The following SNX24 variants were observed in gnomAD, a reference collection of about 807,000 sequenced individuals.
The protein encoded by SNX24 is sorting nexin-24.
A neutral mutation model predicts 28.7 loss-of-function variants in SNX24; 22 were observed. The ratio of observed to expected loss-of-function variants is 0.77; its 90% confidence interval spans 0.55 to 1.10. The LOEUF (loss-of-function observed/expected upper bound fraction) is 1.10. Among genes scored for constraint, SNX24 ranks in the 50% least tolerant of loss-of-function variants. The probability of loss-of-function intolerance (pLI) is 0.00; values close to 1 mark genes in which losing one functional copy is unlikely to be tolerated. For missense variants in SNX24, 221 were observed against 201.1 expected (o/e 1.10, Z -0.60); for synonymous variants, 69 against 71.5 (o/e 0.96, Z 0.18).
chr5:122,872,217 C>T (rs1417034767), intron 1 of SNX24, among the ~76,000 whole-genome samples: 3 of 151,270 alleles, frequency 2.0e-5, no homozygotes, highest in Non-Finnish European at 2.9e-5. Flanking sequence ...ATCCCTGCAG[C>T]GCTTTTAAAT....
chr5:122,865,344 T>G (rs1371423454), intron 1 of SNX24, among the ~76,000 whole-genome samples: 2 of 152,178 alleles, frequency 1.3e-5, no homozygotes, highest in African/African-American at 4.8e-5. Flanking sequence ...GTATTTATAT[T>G]TTTTGAGACT....
At chr5:122,859,437 G>A (rs997091116) in intron 1 of SNX24, among the ~76,000 whole-genome samples, 17 of 152,160 alleles carry the variant, frequency 1.1e-4, no homozygotes, top group Admixed American at 2.0e-4. Flanking sequence ...AGAACTCACC[G>A]TACAAATAAT....
At chr5:122,889,333 CATCT>C (rs1160220103) in intron 1 of SNX24, among the ~76,000 whole-genome samples, 2 of 152,086 alleles carry the variant, frequency 1.3e-5, no homozygotes, top group East Asian at 1.9e-4. Context: ...TATATACACT[CATCT>C]ATCTATCTGT....
intron 1 of SNX24, among the ~76,000 whole-genome samples, chr5:122,897,086 G>A (rs949071813): frequency 5.9e-5 from 9 of 152,166 alleles, no homozygotes; most frequent in Non-Finnish European, 1.0e-4. Flanking sequence ...TTATATTTAA[G>A]TGTCATTTCA....
chr5:122,949,899 T>C (rs1759860410), intron 3 of SNX24, among the ~76,000 whole-genome samples: 1 of 152,228 alleles, frequency 6.6e-6, no homozygotes, highest in African/African-American at 2.4e-5. Flanking sequence ...TCAGAAGTTA[T>C]ATTTGGCATT....
chr5:122,877,028 A>C (rs575681522), intron 1 of SNX24, among the ~76,000 whole-genome samples: 5 of 152,230 alleles, frequency 3.3e-5, no homozygotes, highest in African/African-American at 1.2e-4. Flanking sequence ...GAGGAGGACT[A>C]CCTTTGTTCT....
At chr5:122,919,346 T>C (rs566155194) in intron 1 of SNX24, among the ~76,000 whole-genome samples, 1 of 152,312 alleles carries the variant, frequency 6.6e-6, no homozygotes, top group African/African-American at 2.4e-5. Context: ...TACAAGTCAT[T>C]TGAATCTTTT....
intron 1 of SNX24, among the ~76,000 whole-genome samples, chr5:122,878,705 C>A (rs1185732105): frequency 6.6e-6 from 1 of 152,156 alleles, no homozygotes; most frequent in African/African-American, 2.4e-5. Context: ...TTTGTGGTGG[C>A]TTACGCCTGT....
intron 1 of SNX24, among the ~76,000 whole-genome samples, chr5:122,894,090 A>G (rs1394166787): frequency 6.6e-6 from 1 of 152,140 alleles, no homozygotes; most frequent in African/African-American, 2.4e-5. Context: ...TATGTAATCA[A>G]TTTAGTATGC....
rs187217487 is a variant in SNX24, at chr5:122,987,316, T to C, written c.250-12596T>C. ...CTTGGTAACTTATTTGAAATGAAAA[T>C]TCTTAGGCCCCACCCAAGACCAGCT... On this transcript the variant is annotated intron_variant, in intron 3 of 6. Coordinates refer to ENST00000261369, the MANE Select transcript of SNX24 (RefSeq NM_014035.4). 5.9e-5 allele frequency among the ~76,000 whole-genome samples: 9 copies of C among 152,218 alleles called. No individual in the cohort carries two copies. The East Asian group carries it at 1.7e-3, about 29-fold the overall frequency.
At chr5:122,995,927 A>G (rs539838151) in intron 3 of SNX24, among the ~76,000 whole-genome samples, 1 of 152,236 alleles carries the variant, frequency 6.6e-6, no homozygotes, top group Admixed American at 6.5e-5. Context: ...GTACTTCATC[A>G]GCTGTACTCT....
chr5:122,873,919 C>T lies in SNX24; in HGVS notation c.60+28226C>T, dbSNP rs562768556. On this transcript the variant is annotated intron_variant, in intron 1 of 6. Transcript: ENST00000261369. ...TAGCTGGGGTTACAGGCACCGGCCACCACGTCTGGCTAATTTTTTTGTGTA... is the reference window on the plus strand; with the variant it reads ...TAGCTGGGGTTACAGGCACCGGCCATCACGTCTGGCTAATTTTTTTGTGTA... Among the ~76,000 whole-genome samples the T allele has an allele frequency of 1.4e-4, 22 of 152,234 alleles. No individual in the cohort carries two copies. In the East Asian group the frequency reaches 2.5e-3, roughly 17 times the overall value.
At chr5:122,882,768 A>G (rs974958268) in intron 1 of SNX24, among the ~76,000 whole-genome samples, 12 of 152,096 alleles carry the variant, frequency 7.9e-5, no homozygotes, top group South Asian at 2.1e-4. Flanking sequence ...TAATCTCTCA[A>G]TCTCTGTCTG....
intron 1 of SNX24, among the ~76,000 whole-genome samples, chr5:122,904,858 T>C (rs1290719253): frequency 1.3e-5 from 2 of 152,202 alleles, no homozygotes; most frequent in Non-Finnish European, 2.9e-5. Flanking sequence ...ATGCCACCAC[T>C]TTAGACCCAT....
chr5:122,919,617 G>C (rs1056362834), intron 1 of SNX24, among the ~76,000 whole-genome samples: 1 of 150,950 alleles, frequency 6.6e-6, no homozygotes, highest in African/African-American at 2.4e-5. Context: ...ATATCCCAAT[G>C]GTGGATTAAC....
intron 1 of SNX24, among the ~76,000 whole-genome samples, chr5:122,886,215 C>T (rs1756707052): frequency 6.6e-6 from 1 of 152,158 alleles, no homozygotes; most frequent in Non-Finnish European, 1.5e-5. Context: ...TGATTCTTGA[C>T]AGTGGGAAAA....
intron 1 of SNX24, among the ~76,000 whole-genome samples, chr5:122,855,533 C>T (rs1239454169): frequency 6.6e-6 from 1 of 152,144 alleles, no homozygotes; most frequent in Non-Finnish European, 1.5e-5. Flanking sequence ...GTAATCCTAG[C>T]ACTTAGAGAG....
At chr5:122,954,020 T>C (rs1420056485) in intron 3 of SNX24, among the ~76,000 whole-genome samples, 1 of 152,178 alleles carries the variant, frequency 6.6e-6, no homozygotes, top group Admixed American at 6.5e-5. Context: ...CTGCCCTTCA[T>C]TCATTCTTTA....
At chr5:122,952,517 A>G (rs1045368483) in intron 3 of SNX24, among the ~76,000 whole-genome samples, 4 of 152,164 alleles carry the variant, frequency 2.6e-5, no homozygotes, top group African/African-American at 9.7e-5. Flanking sequence ...GGCCTGTGCA[A>G]GCACTGCTGC....
Sources: gnomAD v4.1 joint callset for allele counts (sites outside exome capture counted in the v4.1 genomes callset) on GRCh38, gnomAD v4.1.1 for gene constraint, MANE v1.5 for transcripts, NCBI Gene and HGNC (gene_info 2026-07-23, HGNC 2026-07-21) for gene names.